INTS10: variants seen among roughly 807,000 people sequenced by gnomAD.
INTS10 encodes the protein integrator complex subunit 10, also known as chromosome 8 open reading frame 35.
In INTS10, 44 loss-of-function variants were observed where a neutral mutation model predicts 94.4. The observed-to-expected ratio is 0.47, with a 90% CI of 0.37 to 0.60. The LOEUF is 0.60. Among genes scored for constraint, INTS10 ranks in the 20% least tolerant of loss-of-function variants. The pLI, the probability that INTS10 is intolerant of heterozygous loss-of-function variation, is 0.00. For synonymous variants in INTS10, 341 were observed against 320.7 expected (o/e 1.06, Z -0.68); for missense variants, 797 against 868.7 (o/e 0.92, Z 1.04).
intron 12 of INTS10, among the ~76,000 whole-genome samples, chr8:19,835,272 C>T (rs895157157): frequency 2.6e-5 from 4 of 152,098 alleles, no homozygotes; most frequent in Admixed American, 6.6e-5. Context: ...AAATTATAAT[C>T]GTTGCTTTCT....
chr8:19,845,554 G>A, intron 15 of INTS10, 150 bp from the exon 16 acceptor site: 2 of 629,000 alleles, frequency 3.2e-6, no homozygotes, highest in Non-Finnish European at 2.9e-6. Context: ...TTACTCAACT[G>A]CCAAGACCCC....
intron 2 of INTS10, among the ~76,000 whole-genome samples, chr8:19,819,164 A>G (rs766036486): frequency 8.5e-5 from 13 of 152,340 alleles, no homozygotes; most frequent in Non-Finnish European, 1.6e-4. Context: ...TCACTGTGAT[A>G]GGAGAAAATG....
At chr8:19,827,385 CTT>C (rs1563367300) in intron 9 of INTS10, among the ~76,000 whole-genome samples, 1 of 152,166 alleles carries the variant, frequency 6.6e-6, no homozygotes, top group Non-Finnish European at 1.5e-5. Context: ...TTTTATTCCT[CTT>C]TTTTAATTCT....
intron 3 of INTS10, 53 bp from the exon 4 acceptor site, chr8:19,820,326 G>T: frequency 6.4e-7 from 1 of 1,556,378 alleles, no homozygotes; most frequent in South Asian, 1.2e-5. Flanking sequence ...CACTGTTGCT[G>T]CAGTCTTTTC....
At chr8:19,820,333 TTTC>T (rs2066272474) in intron 3 of INTS10, 43 bp from the exon 4 acceptor site, 1 of 1,576,204 alleles carries the variant, frequency 6.3e-7, no homozygotes, top group Non-Finnish European at 8.7e-7. Flanking sequence ...GCTGCAGTCT[TTTC>T]TGTCCGCAAG....
intron 12 of INTS10, among the ~76,000 whole-genome samples, chr8:19,836,732 G>A (rs1187772612): frequency 2.0e-5 from 3 of 152,160 alleles, no homozygotes; most frequent in African/African-American, 7.2e-5. Flanking sequence ...GTATCTTTCA[G>A]GCAGGGACAT....
intron 13 of INTS10, among the ~76,000 whole-genome samples, chr8:19,838,346 A>G (rs1590022290): frequency 6.6e-6 from 1 of 152,312 alleles, no homozygotes; most frequent in East Asian, 1.9e-4. Context: ...ACACAACCAG[A>G]CTCAAAAAGA....
At chr8:19,844,790 T>G (rs1590058276) in intron 15 of INTS10, among the ~76,000 whole-genome samples, 1 of 152,346 alleles carries the variant, frequency 6.6e-6, no homozygotes, top group African/African-American at 2.4e-5. Context: ...AGGTTAGTTA[T>G]CAATTTGGGT....
At position 19,851,879 on chromosome 8, in the gene INTS10, GGC is replaced by G; in HGVS notation, c.*75_*76del. The G allele has an allele frequency of 7.5e-7, 1 of 1,341,688 alleles. No individual in the cohort carries two copies. The highest frequency in any genetic ancestry group is 1.2e-5 in the South Asian group (1 of 81,896). 83.1% of individuals were successfully genotyped at this position (1,341,688 alleles called of 1,614,324 possible). Reference sequence around the variant, plus strand: ...GAAGACACTCAGCAGTGATTGCCATGGCACAGAGCCGTGGTCATTGTTGCTGT... The same window carrying G: ...GAAGACACTCAGCAGTGATTGCCATGACAGAGCCGTGGTCATTGTTGCTGT... On this transcript the variant is annotated 3_prime_UTR_variant, in exon 17 of 17. Transcript: ENST00000397977. The surrounding 1 kb of genome is among the most constrained non-coding windows in gnomAD (Gnocchi z 5.0).
At chr8:19,836,246 C>T (rs2067653986) in intron 12 of INTS10, among the ~76,000 whole-genome samples, 1 of 150,908 alleles carries the variant, frequency 6.6e-6, no homozygotes, top group African/African-American at 2.4e-5. Context: ...AGCTCCAATT[C>T]CTCCTCTGGA....
chr8:19,820,754 T>TATTGCA (rs1463589735), intron 4 of INTS10, among the ~76,000 whole-genome samples: 1 of 152,232 alleles, frequency 6.6e-6, no homozygotes, highest in Non-Finnish European at 1.5e-5. Context: ...CAGTACTGTT[T>TATTGCA]ATTGCAATCC....
At chr8:19,839,042 A>G (rs2067904622) in intron 13 of INTS10, among the ~76,000 whole-genome samples, 1 of 152,096 alleles carries the variant, frequency 6.6e-6, no homozygotes, top group African/African-American at 2.4e-5. Flanking sequence ...ACTACACTCC[A>G]GCCTGGGCGA....
chr8:19,817,707 T>C (rs1231302840), intron 1 of INTS10, 41 bp downstream of exon 1: 5 of 1,578,228 alleles, frequency 3.2e-6, no homozygotes, highest in Non-Finnish European at 4.3e-6. Context: ...TGCGTGGAGG[T>C]GCGCGCTCCC....
At chr8:19,837,232 T>A in intron 13 of INTS10, 72 bp downstream of exon 13, 1 of 937,936 alleles carries the variant, frequency 1.1e-6, no homozygotes, top group Non-Finnish European at 1.7e-6. Context: ...CTCACACTTG[T>A]AATCTCAGCT....
Position 19,850,937 on chromosome 8 carries a change from C to A in INTS10, c.1977-712C>A, listed in dbSNP as rs73206584. ...CACATGTGCAGGTCTCCCCTGAGTGCCCAGACAGCGCAGGACCACGCAGTC... is the reference window on the plus strand; with the variant it reads ...CACATGTGCAGGTCTCCCCTGAGTGACCAGACAGCGCAGGACCACGCAGTC... On this transcript the variant is annotated intron_variant, in intron 16 of 16. Coordinates refer to ENST00000397977, the MANE Select transcript of INTS10 (RefSeq NM_018142.4). 7.6e-3 allele frequency among the ~76,000 whole-genome samples: 1,162 copies of A among 152,268 alleles called. 5 individuals carry two copies. Among genetic ancestry groups the A allele is most frequent in the Non-Finnish European group, 0.01 (693 of 68,028 alleles).
intron 2 of INTS10, 75 bp downstream of exon 2, chr8:19,818,417 G>A (rs1237361966): frequency 7.0e-7 from 1 of 1,430,066 alleles, no homozygotes; most frequent in Admixed American, 1.7e-5. Context: ...TGCAGAAGTG[G>A]GAGTTGGGGG....
intron 11 of INTS10, 33 bp from the exon 12 acceptor site, chr8:19,833,134 TGC>T (rs752404975): frequency 6.7e-7 from 1 of 1,490,628 alleles, no homozygotes. Flanking sequence ...TTAACAGCGA[TGC>T]TTTTCCCCTC....
rs377707392 is a variant in INTS10 at position 19,818,372 on chromosome 8, T to C, written c.197+30T>C. The stretch of plus-strand genomic sequence containing the variant: ...GTGGGACGCTTGACATCACTTTTAC[T>C]GCACTGAATCTCTCCATGAGGTTTT... On this transcript the variant is annotated intron_variant, in intron 2 of 16. Coordinates refer to ENST00000397977, the MANE Select transcript of INTS10 (RefSeq NM_018142.4). 1.9e-5 allele frequency: 30 copies of C among 1,605,106 alleles called. No homozygotes were observed. In the Middle Eastern group the frequency reaches 6.6e-4, roughly 35 times the overall value.
In INTS10 at chr8:19,849,052, T is replaced by G; in HGVS notation, c.1977-2597T>G. On this transcript the variant is annotated intron_variant, in intron 16 of 16. Coordinates refer to ENST00000397977, the MANE Select transcript of INTS10 (RefSeq NM_018142.4). This position sits in a 1 kb window ranked among gnomAD's most constrained non-coding sequence, Gnocchi z 4.6. Reference sequence around the variant, plus strand: ...CAGGGGCTTGTTGAGGTTAATGAGTTTCTGTTTAGTCTGCTTCTAGTCTTG... The same window carrying G: ...CAGGGGCTTGTTGAGGTTAATGAGTGTCTGTTTAGTCTGCTTCTAGTCTTG... The G allele has an allele frequency of 2.3e-6, 1 of 431,856 alleles. No individual in the cohort carries two copies. Among genetic ancestry groups the G allele is most frequent in the Non-Finnish European group, 4.4e-6 (1 of 227,432 alleles). 26.8% of individuals were successfully genotyped at this position (431,856 alleles called of 1,614,324 possible). A position where few individuals can be genotyped will look rare whatever the true frequency, so the allele number is the denominator to read the frequency against.
Sources: gnomAD v4.1 joint callset for allele counts (sites outside exome capture counted in the v4.1 genomes callset) on GRCh38, gnomAD v4.1.1 for gene constraint, Gnocchi (gnomAD v3.1) non-coding constraint, MANE v1.5 for transcripts, NCBI Gene and HGNC (gene_info 2026-07-23, HGNC 2026-07-21) for gene names.